KCNIP3: variants seen among roughly 807,000 people sequenced by gnomAD.
KCNIP3 encodes the protein calsenilin.
A neutral mutation model predicts 35.0 loss-of-function variants in KCNIP3; 28 were observed. That is an observed-to-expected ratio of 0.80 (90% CI 0.59 to 1.10). KCNIP3 has a LOEUF of 1.10. Ranked by LOEUF, KCNIP3 falls within the 50% of genes least tolerant of loss-of-function variation. The pLI, the probability that KCNIP3 is intolerant of heterozygous loss-of-function variation, is 0.00. For missense variants in KCNIP3, 295 were observed against 338.4 expected, an observed-to-expected ratio of 0.87 and a Z score of 1.01; for synonymous variants, 134 against 133.8, an observed-to-expected ratio of 1.00 and a Z score of -0.01.
At chr2:95,320,713 G>A (rs1048147838) in intron 2 of KCNIP3, among the ~76,000 whole-genome samples, 2 of 152,088 alleles carry the variant, frequency 1.3e-5, no homozygotes, top group Non-Finnish European at 2.9e-5. Context: ...CCAGGAGTAC[G>A]TCAGACCCAA....
chr2:95,339,472 T>C (rs1679139980), intron 2 of KCNIP3, among the ~76,000 whole-genome samples: 1 of 151,604 alleles, frequency 6.6e-6, no homozygotes, highest in African/African-American at 2.4e-5. Context: ...TAATCCCAGC[T>C]ACTTGGGAGG....
chr2:95,346,768 C>A, intron 2 of KCNIP3: 1 of 161,686 alleles, frequency 6.2e-6, no homozygotes, highest in Non-Finnish European at 1.3e-5. Flanking sequence ...CCGGCTGACT[C>A]GGAAAGTTGC....
chr2:95,304,039 C>T (rs115800437), intron 1 of KCNIP3, among the ~76,000 whole-genome samples: 1,615 of 152,304 alleles, frequency 0.011, 13 homozygotes, highest in Middle Eastern at 0.02. Flanking sequence ...CACGAGGGCA[C>T]GTCTCAGTGT....
At chr2:95,368,529 T>TAA in intron 2 of KCNIP3, 1 of 328,168 alleles carries the variant, frequency 3.0e-6, no homozygotes, top group South Asian at 4.1e-5. Context: ...CCTATGGAAA[T>TAA]AAAAAAAAAT....
At chr2:95,305,292 C>T (rs940234349) in intron 1 of KCNIP3, among the ~76,000 whole-genome samples, 1 of 151,962 alleles carries the variant, frequency 6.6e-6, no homozygotes, top group Non-Finnish European at 1.5e-5. Flanking sequence ...TTTTTAACAC[C>T]TTCTTTTTGG....
At chr2:95,349,352 C>G (rs1215227815) in intron 2 of KCNIP3, among the ~76,000 whole-genome samples, 1 of 152,192 alleles carries the variant, frequency 6.6e-6, no homozygotes, top group Admixed American at 6.5e-5. Flanking sequence ...CTCTTGTCCT[C>G]TCTGAGCCTC....
At chr2:95,325,600 C>T (rs1180582306) in intron 2 of KCNIP3, among the ~76,000 whole-genome samples, 2 of 151,888 alleles carry the variant, frequency 1.3e-5, no homozygotes, top group Admixed American at 1.3e-4. Flanking sequence ...CGCACTCACA[C>T]ACTCATACAC....
rs771747210 is a variant in KCNIP3 at position 95,383,273 on chromosome 2, GT to G, written c.704del (p.Phe235SerfsTer12). The G allele has an allele frequency of 1.5e-5, 24 of 1,613,726 alleles. No individual in the cohort carries two copies. The African/African-American group carries it at 2.4e-4, about 16-fold the overall frequency. On this transcript the variant is annotated frameshift_variant, in exon 8 of 9. Transcript: ENST00000295225. LOFTEE classifies it high-confidence loss of function. Reference protein sequence around the residue: ...NQDGVVTIEEFLEACQKDENI... With the variant: ...NQDGVVTIEEXLEACQKDENI... The stretch of plus-strand genomic sequence containing the variant: ...AGGATGGGGTAGTGACCATTGAAGA[GT>G]TCCTGGAGGCCTGTCAGAAGGTAGG...
At chr2:95,340,324 G>A (rs1205421794) in intron 2 of KCNIP3, among the ~76,000 whole-genome samples, 2 of 144,448 alleles carry the variant, frequency 1.4e-5, no homozygotes. Flanking sequence ...CAAAAAGGGT[G>A]AAACTCCATC....
At chr2:95,315,044 G>A (rs1678418250) in intron 2 of KCNIP3, among the ~76,000 whole-genome samples, 1 of 152,184 alleles carries the variant, frequency 6.6e-6, no homozygotes, top group Non-Finnish European at 1.5e-5. Flanking sequence ...GGGAGCCTGT[G>A]AGCCCTGGTC....
At chr2:95,332,285 G>A (rs1396282989) in intron 2 of KCNIP3, among the ~76,000 whole-genome samples, 3 of 152,242 alleles carry the variant, frequency 2.0e-5, no homozygotes, top group African/African-American at 4.8e-5. Context: ...ACGTATTGAT[G>A]ATCTGATTTT....
intron 2 of KCNIP3, among the ~76,000 whole-genome samples, chr2:95,331,358 T>C (rs1242801085): frequency 2.0e-5 from 3 of 152,066 alleles, no homozygotes; most frequent in East Asian, 3.9e-4. Context: ...AAACAGAAGC[T>C]GGCCTGGCGT....
chr2:95,383,417 G>A, intron 8 of KCNIP3, 123 bp downstream of exon 8: 2 of 1,006,322 alleles, frequency 2.0e-6, no homozygotes, highest in Non-Finnish European at 3.0e-6. Context: ...TGTGGCAGCT[G>A]TCCTTGGCCC....
At chr2:95,346,423 C>G in intron 2 of KCNIP3, among the ~76,000 whole-genome samples, 1 of 151,126 alleles carries the variant, frequency 6.6e-6, no homozygotes, top group East Asian at 2.0e-4. Flanking sequence ...CGCCAGACTC[C>G]GTCCTGGGCT....
chr2:95,324,307 C>T (rs541286505), intron 2 of KCNIP3, among the ~76,000 whole-genome samples: 61 of 151,996 alleles, frequency 4.0e-4, no homozygotes, highest in African/African-American at 1.4e-3. Flanking sequence ...GTCAGGAGAT[C>T]GAGACCATCC....
intron 2 of KCNIP3, among the ~76,000 whole-genome samples, chr2:95,343,997 G>C (rs1196015347): frequency 6.6e-6 from 1 of 152,020 alleles, no homozygotes; most frequent in African/African-American, 2.4e-5. Context: ...AGGGCTCAGG[G>C]CCCAGCCTTC....
At chr2:95,334,205 G>C (rs1327971838) in intron 2 of KCNIP3, among the ~76,000 whole-genome samples, 2 of 152,222 alleles carry the variant, frequency 1.3e-5, no homozygotes, top group African/African-American at 4.8e-5. Flanking sequence ...TGAGTTGGCC[G>C]GCCGTGCTTC....
Position 95,322,614 on chromosome 2 carries a change from G to A in KCNIP3, c.181+12094G>A, listed in dbSNP as rs539898607. Among the ~76,000 whole-genome samples, 12 of 152,356 alleles carry A rather than the reference G, an allele frequency of 7.9e-5. No homozygotes were observed. The South Asian group carries it at 2.5e-3, about 32-fold the overall frequency. On this transcript the variant is annotated intron_variant, in intron 2 of 8. Transcript: ENST00000295225. The stretch of plus-strand genomic sequence containing the variant: ...GGCCACAAGGGCAGGGCTGGTGATA[G>A]TTGGACTGGTTTCAAGGCCCTGAGT...
At chr2:95,297,512 C>A in intron 1 of KCNIP3, 59 bp downstream of exon 1, 1 of 1,189,944 alleles carries the variant, frequency 8.4e-7, no homozygotes, top group South Asian at 1.4e-5. Flanking sequence ...GGAATGGAGG[C>A]TTCTGGGGGT....
Sources: allele counts gnomAD v4.1 joint callset (sites outside exome capture counted in the v4.1 genomes callset), GRCh38; gene constraint gnomAD v4.1.1; transcripts MANE v1.5; gene names NCBI Gene and HGNC (gene_info 2026-07-23, HGNC 2026-07-21).